Variants in DIXDC1 observed in about 807,000 individuals in gnomAD.
The protein encoded by DIXDC1 is DIX domain containing 1, also known as dixin.
DIXDC1 carries 64 observed loss-of-function variants against 103.1 expected under a neutral mutation model. The observed-to-expected ratio is 0.62, with a 90% CI of 0.51 to 0.76. DIXDC1 has a LOEUF of 0.76. DIXDC1 is among the 30% of genes least tolerant of loss of function. DIXDC1 has a pLI of 0.00. For missense variants in DIXDC1, 759 were observed against 834.2 expected (o/e 0.91, Z 1.11); for synonymous variants, 266 against 298.5 (o/e 0.89, Z 1.12).
At chr11:111,937,139 G>GGGGGGC, upstream of DIXDC1, 4 of 745,908 alleles carry the variant, frequency 5.4e-6, no homozygotes, top group Non-Finnish European at 6.5e-6. Context: ...GGCGGGGGGG[G>GGGGGGC]GGTGTGCGCG....
intron 17 of DIXDC1, among the ~76,000 whole-genome samples, chr11:112,008,387 C>T (rs1054874610): frequency 6.6e-6 from 1 of 152,060 alleles, no homozygotes; most frequent in African/African-American, 2.4e-5. Context: ...ACCCCACTGT[C>T]AATATTAGAT....
chr11:111,992,483 G>A lies in DIXDC1; in HGVS notation c.1182G>A (p.Arg394=), dbSNP rs1555174653. 4.4e-6 allele frequency: 7 copies of A among 1,576,046 alleles called. No homozygotes were observed. In the African/African-American group the frequency reaches 9.4e-5, roughly 21 times the overall value. Residue 394 remains arginine, a synonymous_variant, in exon 11 of 20, where the codon AGG becomes AGA. Transcript: ENST00000440460. ...SVLQLKQELL[R]ANMDKDELHN... is the part of the protein sequence containing the mutation. Reference sequence around the variant, plus strand: ...TTCAGCTCAAACAAGAGCTACTGAGGGCAAATATGGACAAAGATGAGCTGC... The same window carrying A: ...TTCAGCTCAAACAAGAGCTACTGAGAGCAAATATGGACAAAGATGAGCTGC...
Position 111,993,493 on chromosome 11 carries a change from C to G in DIXDC1, c.1273-3C>G, listed in dbSNP as rs749002355. 6.2e-7 allele frequency: 1 copy of G among 1,613,910 alleles called. No homozygotes were observed. Among genetic ancestry groups the G allele is most frequent in the Non-Finnish European group, 8.5e-7 (1 of 1,179,846 alleles). On this transcript the variant is annotated splice_polypyrimidine_tract_variant and splice_region_variant and intron_variant, in intron 12 of 19. Coordinates refer to ENST00000440460, the MANE Select transcript of DIXDC1 (RefSeq NM_001037954.4). ...TCATCTTAAAGCTCTATCTTTATTGCAGAAAGAGCTGGGGCAGAAGGATCG... is the reference window on the plus strand; with the variant it reads ...TCATCTTAAAGCTCTATCTTTATTGGAGAAAGAGCTGGGGCAGAAGGATCG...
At chr11:111,975,259 T>TC in intron 5 of DIXDC1, 1 of 1,242,212 alleles carries the variant, frequency 8.1e-7, no homozygotes, top group East Asian at 4.3e-5. Flanking sequence ...CTGGAACCTG[T>TC]CAGGGCCCAG....
intron 17 of DIXDC1, among the ~76,000 whole-genome samples, chr11:112,008,422 T>G (rs587716694): frequency 2.7e-4 from 41 of 152,240 alleles, no homozygotes; most frequent in African/African-American, 9.6e-4. Flanking sequence ...AACAAGGATA[T>G]CCATGACTTG....
chr11:112,015,518 C>T (rs782439967), intron 17 of DIXDC1: 10 of 152,118 alleles, frequency 6.6e-5, no homozygotes, highest in Admixed American at 1.3e-4. Context: ...AAGGTAGAGA[C>T]AGTCCAGGTG....
chr11:111,974,851 C>A, intron 4 of DIXDC1, 25 bp from the exon 5 acceptor site: 1 of 1,609,906 alleles, frequency 6.2e-7, no homozygotes, highest in South Asian at 1.1e-5. Context: ...GACACCTTCC[C>A]TTTGCTGGGG....
At position 111,956,765 on chromosome 11, in the gene DIXDC1, C is replaced by T. The variant is rs151127075; in HGVS notation, c.61-7784C>T. On this transcript the variant is annotated intron_variant, in intron 1 of 19. Transcript: ENST00000440460. ...TTGGCCTTCCAAAGTGCTGGGGTTA[C>T]AGGCTTGAGCCACCATGCCCGGCCT... is the stretch of plus-strand genomic sequence containing the variant. Among the ~76,000 whole-genome samples, 903 of 152,300 alleles carry T rather than the reference C, an allele frequency of 5.9e-3. 5 individuals are homozygous for T. Among genetic ancestry groups the T allele is most frequent in the African/African-American group, 0.02 (832 of 41,564 alleles).
intron 2 of DIXDC1, among the ~76,000 whole-genome samples, chr11:111,968,017 T>C (rs1555171739): frequency 6.6e-6 from 1 of 152,240 alleles, no homozygotes; most frequent in Admixed American, 6.5e-5. Context: ...CTTAACATGC[T>C]TTACTTTATT....
At chr11:111,961,802 C>G (rs923657744) in intron 1 of DIXDC1, among the ~76,000 whole-genome samples, 1 of 152,220 alleles carries the variant, frequency 6.6e-6, no homozygotes, top group Non-Finnish European at 1.5e-5. Context: ...TTAACTGATT[C>G]AAACAAATAT....
chr11:111,951,495 C>T (rs1966803390), intron 1 of DIXDC1, among the ~76,000 whole-genome samples: 1 of 151,938 alleles, frequency 6.6e-6, no homozygotes, highest in Non-Finnish European at 1.5e-5. Context: ...TATATCTAAA[C>T]ATTATAGAGA....
At position 111,977,564 on chromosome 11, in the gene DIXDC1, A is replaced by T; in HGVS notation, c.656+2581A>T. On this transcript the variant is annotated intron_variant, in intron 5 of 19. Transcript: ENST00000440460. The surrounding 1 kb of genome is among the most constrained non-coding windows in gnomAD (Gnocchi z 6.1). ...CGCGCTTCAGAGCCTGGAGCATCCC[A>T]GTCGCTGGGGCCGAGACGCCGCCGC... 1.3e-6 allele frequency: 2 copies of T among 1,485,250 alleles called. No individual in the cohort carries two copies. Among genetic ancestry groups the T allele is most frequent in the Non-Finnish European group, 1.8e-6 (2 of 1,117,302 alleles). The allele number at this position is 1,485,250 out of a possible 1,614,324, so 92.0% of individuals were successfully genotyped here. A position where few individuals can be genotyped will look rare whatever the true frequency, so the allele number is the denominator to read the frequency against.
rs1860345025 is a variant in DIXDC1, at chr11:111,982,504, T to C, written c.918+17T>C. On this transcript the variant is annotated intron_variant, in intron 7 of 19. Transcript: ENST00000440460. ...GGACTACAGGTAGCTCTCTCCCTTGTAGTTTGCCCTTGTTATACCAATTGA... is the reference window on the plus strand; with the variant it reads ...GGACTACAGGTAGCTCTCTCCCTTGCAGTTTGCCCTTGTTATACCAATTGA... 1 of 1,610,504 alleles carries C rather than the reference T, an allele frequency of 6.2e-7. No homozygotes were observed. The highest frequency in any genetic ancestry group is 1.3e-5 in the African/African-American group (1 of 74,838).
At chr11:112,014,062 A>G (rs587632096) in intron 17 of DIXDC1, among the ~76,000 whole-genome samples, 2 of 152,284 alleles carry the variant, frequency 1.3e-5, no homozygotes, top group Admixed American at 1.3e-4. Context: ...GCATTAATCT[A>G]GTCTTGAGGA....
intron 8 of DIXDC1, among the ~76,000 whole-genome samples, chr11:111,985,915 T>C (rs1860473936): frequency 6.6e-6 from 1 of 152,232 alleles, no homozygotes; most frequent in African/African-American, 2.4e-5. Context: ...CTTGTCCTTT[T>C]GGATATCTGT....
intron 1 of DIXDC1, among the ~76,000 whole-genome samples, chr11:111,953,548 G>C (rs1490074815): frequency 6.6e-6 from 1 of 152,270 alleles, no homozygotes; most frequent in Non-Finnish European, 1.5e-5. Context: ...TGAGGCAGGA[G>C]AATTGCTTGA....
Position 111,937,551 on chromosome 11 carries a change from T to G in DIXDC1, c.52T>G (p.Phe18Val). 1 of 1,592,732 alleles carries G rather than the reference T, an allele frequency of 6.3e-7. No homozygotes were observed. Among genetic ancestry groups the G allele is most frequent in the Non-Finnish European group, 8.5e-7 (1 of 1,170,038 alleles). Residue 18 changes from phenylalanine to valine, a missense_variant, in exon 1 of 20, where the codon TTC becomes GTC. This residue lies in a region of DIXDC1 where 97 missense variants were observed against 85.4 expected (regional missense o/e 1.14). Coordinates refer to ENST00000440460, the MANE Select transcript of DIXDC1 (RefSeq NM_001037954.4). ...GNLLDVLQEG[F>V]NEQQLQAYVA... ...CTTACTGGACGTCCTGCAGGAGGGC[T>G]TCAATGAGGTAACTGTCCTGCTCCT... is the stretch of plus-strand genomic sequence containing the variant.
At chr11:111,990,766 G>C (rs1860684526) in intron 10 of DIXDC1, among the ~76,000 whole-genome samples, 2 of 152,086 alleles carry the variant, frequency 1.3e-5, no homozygotes, top group Admixed American at 6.5e-5. Context: ...GAGTGCAATG[G>C]TATGATCTCA....
At chr11:111,980,481 A>G (rs7106867) in intron 5 of DIXDC1, among the ~76,000 whole-genome samples, 3,952 of 152,314 alleles carry the variant, frequency 0.026, 181 homozygotes, top group African/African-American at 0.09. Context: ...TTCTCAATGA[A>G]TTAGGCTTAA....
Sources: allele counts gnomAD v4.1 joint callset (sites outside exome capture counted in the v4.1 genomes callset), GRCh38; gene constraint gnomAD v4.1.1; regional missense constraint gnomAD v4.1.1; non-coding constraint Gnocchi (gnomAD v3.1); transcripts MANE v1.5; gene names NCBI Gene and HGNC (gene_info 2026-07-23, HGNC 2026-07-21).